PDHA1: variants seen among roughly 807,000 people sequenced by gnomAD.
PDHA1 encodes the protein pyruvate dehydrogenase E1 subunit alpha 1, also known as pyruvate dehydrogenase E1 component subunit alpha, somatic form, mitochondrial.
In PDHA1, 1 loss-of-function variant was observed where a neutral mutation model predicts 33.0. The observed-to-expected ratio is 0.03, with a 90% CI of 0.01 to 0.14. PDHA1 has a LOEUF of 0.14. PDHA1 is among the 10% of genes least tolerant of loss of function. The probability of loss-of-function intolerance (pLI) is 1.00; values close to 1 mark genes in which losing one functional copy is unlikely to be tolerated. For synonymous variants in PDHA1, 123 were observed against 119.2 expected (o/e 1.03, Z -0.21); for missense variants, 168 against 325.1 (o/e 0.52, Z 3.72).
chrX:19,354,350 G>GAGAT lies in PDHA1; in HGVS notation c.511-138_511-135dup, dbSNP rs1238168340. ...AAATATCGGAGGTGGGATAAACAGAGAGATAGGGTTGGAAGGAGAGTTTGT... is the reference window on the plus strand; with the variant it reads ...AAATATCGGAGGTGGGATAAACAGAGAGATAGATAGGGTTGGAAGGAGAGTTTGT... On this transcript the variant is annotated intron_variant, in intron 5 of 10. Coordinates refer to ENST00000422285, the MANE Select transcript of PDHA1 (RefSeq NM_000284.4). 5 of 518,323 alleles carry GAGAT rather than the reference G, an allele frequency of 9.6e-6. No homozygotes were observed. The East Asian group carries it at 1.7e-4, about 18-fold the overall frequency. 42.7% of individuals were successfully genotyped at this position (518,323 alleles called of 1,213,427 possible). A position where few individuals can be genotyped will look rare whatever the true frequency, so the allele number is the denominator to read the frequency against.
chrX:19,360,630 A>G lies in PDHA1; in HGVS notation c.*977A>G, dbSNP rs1264828970. The G allele has an allele frequency of 3.8e-6, 2 of 530,999 alleles. No individual in the cohort carries two copies. The highest frequency in any genetic ancestry group is 6.3e-6 in the Non-Finnish European group (2 of 319,314). The allele number at this position is 530,999 out of a possible 1,213,427, so 43.8% of individuals were successfully genotyped here. On this transcript the variant is annotated 3_prime_UTR_variant, in exon 11 of 11. Transcript: ENST00000422285. ...ATTTAAAACAAGTTCTTAAACTATTAATTGAACAATGGCATTTTTAAATAT... is the reference window on the plus strand; with the variant it reads ...ATTTAAAACAAGTTCTTAAACTATTGATTGAACAATGGCATTTTTAAATAT...
chrX:19,360,831 C>G lies in PDHA1; in HGVS notation c.*1178C>G. On this transcript the variant is annotated 3_prime_UTR_variant, in exon 11 of 11. Transcript: ENST00000422285. Reference sequence around the variant, plus strand: ...ACTCCAGAGTCTGCAGAGGAGACCACCCCTGGGAAACAAACACAGCTGTCT... The same window carrying G: ...ACTCCAGAGTCTGCAGAGGAGACCAGCCCTGGGAAACAAACACAGCTGTCT... 2 of 1,197,135 alleles carry G rather than the reference C, an allele frequency of 1.7e-6. No homozygotes were observed. Among genetic ancestry groups the G allele is most frequent in the Non-Finnish European group, 2.3e-6 (2 of 887,529 alleles).
chrX:19,352,225 CTTTTTTTTTT>C (rs1237519823), intron 4 of PDHA1, among the ~76,000 whole-genome samples: 1 of 86,263 alleles, frequency 1.2e-5, no homozygotes, highest in South Asian at 5.5e-4. Flanking sequence ...CCTCCTCCTC[CTTTTTTTTTT>C]TTTTTTTTGA....
At chrX:19,350,356 A>C (rs1416910425) in intron 3 of PDHA1, among the ~76,000 whole-genome samples, 1 of 111,642 alleles carries the variant, frequency 9.0e-6, no homozygotes, top group African/African-American at 3.3e-5. Context: ...GCCTCTGTCC[A>C]CTGGGCTCAA....
chrX:19,353,807 T>C (rs1284320632), intron 5 of PDHA1, among the ~76,000 whole-genome samples: 1 of 111,965 alleles, frequency 8.9e-6, no homozygotes, highest in Non-Finnish European at 1.9e-5. Flanking sequence ...AATTGCTTTA[T>C]CTTGTCAACT....
chrX:19,344,388 T>A lies in PDHA1; in HGVS notation c.57+294T>A, dbSNP rs189320214. Among the ~76,000 whole-genome samples, 298 of 113,347 alleles carry A rather than the reference T, an allele frequency of 2.6e-3. 1 individual carries two copies. Among genetic ancestry groups the A allele is most frequent in the African/African-American group, 9.1e-3 (285 of 31,282 alleles). On this transcript the variant is annotated intron_variant, in intron 1 of 10. Coordinates refer to ENST00000422285, the MANE Select transcript of PDHA1 (RefSeq NM_000284.4). ...TGTGCTCAAGAGGTGCCTGTTGGGT[T>A]ACAGGACACGGAAAGGGTGGCCTCG...
rs1746683099 is a variant in PDHA1 at position 19,360,973 on chromosome X, G to A, written c.*1320G>A. ...AGGTGACGCTCGTGTCCCAGCAGTAGTAGGACATGGCCTTAGAGGTACGTA... is the reference window on the plus strand; with the variant it reads ...AGGTGACGCTCGTGTCCCAGCAGTAATAGGACATGGCCTTAGAGGTACGTA... On this transcript the variant is annotated 3_prime_UTR_variant, in exon 11 of 11. Transcript: ENST00000422285. 3 of 456,774 alleles carry A rather than the reference G, an allele frequency of 6.6e-6. No individual in the cohort carries two copies. Among genetic ancestry groups the A allele is most frequent in the Middle Eastern group, 4.4e-4 (1 of 2,282 alleles). 37.6% of individuals were successfully genotyped at this position (456,774 alleles called of 1,213,427 possible).
rs1490239069 is a variant in PDHA1, at chrX:19,359,006, C to T, written c.990C>T (p.Ala330=). 6 of 1,167,582 alleles carry T rather than the reference C, an allele frequency of 5.1e-6. No individual in the cohort carries two copies. Among genetic ancestry groups the T allele is most frequent in the Admixed American group, 4.4e-5 (2 of 45,929 alleles). ...LKDRMVNSNL[A]SVEELKEIDV... is the part of the protein sequence containing the mutation. ...ACAGGATGGTGAACAGCAATCTTGCCAGTGTGGAAGAACTAAAGGTACAGT... is the reference window on the plus strand; with the variant it reads ...ACAGGATGGTGAACAGCAATCTTGCTAGTGTGGAAGAACTAAAGGTACAGT... The change falls in exon 10 of 11, where the codon GCC becomes GCT. Residue 330 remains alanine, a synonymous_variant. Transcript: ENST00000422285.
chrX:19,355,852 G>C, intron 8 of PDHA1, 95 bp downstream of exon 8: 1 of 637,009 alleles, frequency 1.6e-6, no homozygotes, highest in Non-Finnish European at 2.6e-6. Flanking sequence ...GTGGGTACCT[G>C]CTAATTGAGG....
chrX:19,349,518 C>A, intron 2 of PDHA1, 147 bp downstream of exon 2: 2 of 476,691 alleles, frequency 4.2e-6, no homozygotes, highest in Admixed American at 3.5e-5. Flanking sequence ...AGAAGCTTCA[C>A]GAAAACTAGA....
chrX:19,359,097 G>C, intron 10 of PDHA1, 73 bp downstream of exon 10: 1 of 611,873 alleles, frequency 1.6e-6, no homozygotes, highest in Admixed American at 2.3e-5. Flanking sequence ...CACAGAGTTT[G>C]TGTGGGTTCC....
Position 19,357,815 on chromosome X carries a change from A to ATACCAGT in PDHA1, c.899+98_899+104dup, listed in dbSNP as rs1037769257. ...TTTCAGTATTTGCTTTTGGAGCTAG[A>ATACCAGT]TACCAGTTCACTTCATGTACGCAGT... On this transcript the variant is annotated intron_variant, in intron 9 of 10. Transcript: ENST00000422285. The ATACCAGT allele has an allele frequency of 1.8e-5, 12 of 663,556 alleles. No homozygotes were observed. The African/African-American group carries it at 2.6e-4, about 14-fold the overall frequency. The allele number at this position is 663,556 out of a possible 1,213,427, so 54.7% of individuals were successfully genotyped here. A position where few individuals can be genotyped will look rare whatever the true frequency, so the allele number is the denominator to read the frequency against.
rs1268001704 is a variant in PDHA1 at position 19,361,610 on chromosome X, T to TTTG, written c.*1960_*1962dup. The TTTG allele has an allele frequency of 1.8e-6, 2 of 1,091,902 alleles. No individual in the cohort carries two copies. The highest frequency in any genetic ancestry group is 3.0e-5 in the East Asian group (1 of 33,331). 90.0% of individuals were successfully genotyped at this position (1,091,902 alleles called of 1,213,427 possible). On this transcript the variant is annotated 3_prime_UTR_variant, in exon 11 of 11. Transcript: ENST00000422285. ...CTGTAATACCTGTAACGATTGGCAA[T>TTTG]TTGTTATATATTAGTCTAACCATAA...
Position 19,360,782 on chromosome X carries a change from A to C in PDHA1, c.*1129A>C. ...TGTCTTTGGTTTCTGAGGCCTCCTG[A>C]GCCCTTCTGTACTGGGAGACCGCAC... On this transcript the variant is annotated 3_prime_UTR_variant, in exon 11 of 11. Coordinates refer to ENST00000422285, the MANE Select transcript of PDHA1 (RefSeq NM_000284.4). 1 of 1,210,037 alleles carries C rather than the reference A, an allele frequency of 8.3e-7. No individual in the cohort carries two copies. Among genetic ancestry groups the C allele is most frequent in the Non-Finnish European group, 1.1e-6 (1 of 894,768 alleles).
chrX:19,359,867 A>G lies in PDHA1; in HGVS notation c.*214A>G. 1 of 452,747 alleles carries G rather than the reference A, an allele frequency of 2.2e-6. No individual in the cohort carries two copies. The highest frequency in any genetic ancestry group is 3.1e-5 in the Admixed American group (1 of 32,080). The allele number at this position is 452,747 out of a possible 1,213,427, so 37.3% of individuals were successfully genotyped here. A position where few individuals can be genotyped will look rare whatever the true frequency, so the allele number is the denominator to read the frequency against. On this transcript the variant is annotated 3_prime_UTR_variant, in exon 11 of 11. Coordinates refer to ENST00000422285, the MANE Select transcript of PDHA1 (RefSeq NM_000284.4). ...GTGCTTAAAGATTATTTTTGACTTA[A>G]AATAGTATACTTTGAACAAATACTC...
intron 1 of PDHA1, among the ~76,000 whole-genome samples, chrX:19,347,968 AC>A (rs1247504278): frequency 1.8e-5 from 2 of 112,470 alleles, no homozygotes; most frequent in African/African-American, 3.2e-5. Context: ...GTGAAGATAT[AC>A]GTAATTAGCT....
rs200051912 is a variant in PDHA1 at position 19,355,527 on chromosome X, C to T, written c.759+23C>T. ...AGAGTAAGGACACCTGTGGTGGGGC[C>T]GGGGCCAAGGCCAAGGCCAAGGGTA... On this transcript the variant is annotated intron_variant, in intron 7 of 10. Coordinates refer to ENST00000422285, the MANE Select transcript of PDHA1 (RefSeq NM_000284.4). The T allele has an allele frequency of 2.9e-4, 349 of 1,189,810 alleles. 1 individual carries two copies. The highest frequency in any genetic ancestry group is 6.9e-4 in the Middle Eastern group (3 of 4,338).
chrX:19,348,069 A>G (rs2063144542), intron 1 of PDHA1, among the ~76,000 whole-genome samples: 1 of 112,673 alleles, frequency 8.9e-6, no homozygotes, highest in South Asian at 3.6e-4. Flanking sequence ...TGGATTAGGT[A>G]AGGTATGAAC....
rs768574096 is a variant in PDHA1 at position 19,344,014 on chromosome X, C to T, written c.-24C>T. ...TGCCTCCTGGGTTGTGAGGAGTCGC[C>T]GCTGCCGCCACTGCCTGTGCTTCAT... On this transcript the variant is annotated 5_prime_UTR_variant, in exon 1 of 11. Coordinates refer to ENST00000422285, the MANE Select transcript of PDHA1 (RefSeq NM_000284.4). 5.8e-6 allele frequency: 7 copies of T among 1,204,618 alleles called. No individual in the cohort carries two copies. The East Asian group carries it at 8.9e-5, about 15-fold the overall frequency.
Sources: allele counts gnomAD v4.1 joint callset (sites outside exome capture counted in the v4.1 genomes callset), GRCh38; gene constraint gnomAD v4.1.1; transcripts MANE v1.5; gene names NCBI Gene and HGNC (gene_info 2026-07-23, HGNC 2026-07-21).